FANCL: variants seen among roughly 807,000 people sequenced by gnomAD.
FANCL encodes the protein FA complementation group L, also known as E3 ubiquitin-protein ligase FANCL.
A neutral mutation model predicts 59.4 loss-of-function variants in FANCL; 69 were observed. That is an observed-to-expected ratio of 1.16 (90% CI 0.96 to 1.42). FANCL has a LOEUF of 1.42. Among genes scored for constraint, FANCL ranks in the 40% most tolerant of loss-of-function variants. The pLI is 0.00. For synonymous variants in FANCL, 180 were observed against 147.1 expected (o/e 1.22, Z -1.62); for missense variants, 519 against 447.2 (o/e 1.16, Z -1.45).
At chr2:58,166,376 G>A (rs754327369) in intron 7 of FANCL, among the ~76,000 whole-genome samples, 22 of 152,140 alleles carry the variant, frequency 1.4e-4, no homozygotes, top group Non-Finnish European at 2.9e-4. Flanking sequence ...GGCAGAGTAT[G>A]AAAAGGTTTT....
chr2:58,207,816 T>A (rs1690742165), intron 5 of FANCL, among the ~76,000 whole-genome samples: 1 of 152,156 alleles, frequency 6.6e-6, no homozygotes, highest in Admixed American at 6.5e-5. Context: ...CCCAGCACTC[T>A]GGGAAGCTGA....
At chr2:58,241,362 T>G, upstream of FANCL, 1 of 1,575,236 alleles carries the variant, frequency 6.3e-7, no homozygotes, top group Non-Finnish European at 8.7e-7. Flanking sequence ...TGCTGGGTCC[T>G]GCACATGCGC....
At chr2:58,207,803 A>G (rs1432209208) in intron 5 of FANCL, among the ~76,000 whole-genome samples, 1 of 152,160 alleles carries the variant, frequency 6.6e-6, no homozygotes, top group Admixed American at 6.5e-5. Context: ...TCATGCCTAT[A>G]ATCCCAGCAC....
Position 58,204,739 on chromosome 2 carries a change from A to C in FANCL, c.375-513T>G, listed in dbSNP as rs115785349. Among the ~76,000 whole-genome samples, 220 of 152,226 alleles carry C rather than the reference A, an allele frequency of 1.4e-3. 1 individual carries two copies. Among genetic ancestry groups the C allele is most frequent in the Non-Finnish European group, 1.9e-3 (126 of 67,988 alleles). Reference sequence around the variant, plus strand: ...ATTGATCCTCTAAGGAAAATGCTGTATAAGCACAGGTACAGCCTGGTCTCC... The same window carrying C: ...ATTGATCCTCTAAGGAAAATGCTGTCTAAGCACAGGTACAGCCTGGTCTCC... On this transcript the variant is annotated intron_variant, in intron 5 of 13. Transcript: ENST00000233741.
At chr2:58,176,781 G>T (rs1348444773) in intron 7 of FANCL, among the ~76,000 whole-genome samples, 2 of 152,020 alleles carry the variant, frequency 1.3e-5, no homozygotes, top group Non-Finnish European at 2.9e-5. Context: ...TTGACAAATG[G>T]GATCTAATTA....
intron 5 of FANCL, among the ~76,000 whole-genome samples, chr2:58,210,430 A>T (rs1691023968): frequency 6.6e-6 from 1 of 152,210 alleles, no homozygotes; most frequent in South Asian, 2.1e-4. Flanking sequence ...CTCCCACAAC[A>T]CATGAGAACT....
intron 7 of FANCL, among the ~76,000 whole-genome samples, chr2:58,172,103 G>A (rs911468318): frequency 2.0e-5 from 3 of 152,218 alleles, no homozygotes; most frequent in Admixed American, 6.5e-5. Flanking sequence ...CGGGAAGCTC[G>A]AACTGGGTGG....
At chr2:58,225,271 C>T (rs1692883789) in intron 4 of FANCL, among the ~76,000 whole-genome samples, 1 of 150,552 alleles carries the variant, frequency 6.6e-6, no homozygotes, top group Non-Finnish European at 1.5e-5. Flanking sequence ...TTGCTAGGCA[C>T]CAACTCATTA....
Position 58,165,798 on chromosome 2 carries a change from T to C in FANCL, c.617A>G (p.Glu206Gly), listed in dbSNP as rs753232320. 6.2e-6 allele frequency: 10 copies of C among 1,614,168 alleles called. No homozygotes were observed. In the South Asian group the frequency reaches 9.9e-5, roughly 16 times the overall value. ...AAGTACCCAGGTCTTCTCATCGATTTCATCCATAACATCCCAGAATGCCTT... is the reference window on the plus strand; with the variant it reads ...AAGTACCCAGGTCTTCTCATCGATTCCATCCATAACATCCCAGAATGCCTT... Reference protein sequence around the residue: ...SLKAFWDVMDEIDEKTWVLEP... With the variant: ...SLKAFWDVMDGIDEKTWVLEP... The change falls in exon 8 of 14, where the codon GAA (glutamate) becomes GGA (glycine). Residue 206 changes from glutamate to glycine, a missense_variant. Glu to Gly is a moderately conservative substitution (Grantham distance 98). Transcript: ENST00000233741.
chr2:58,240,991 C>A (rs763048371), intron 1 of FANCL, among the ~76,000 whole-genome samples: 1 of 152,234 alleles, frequency 6.6e-6, no homozygotes, highest in African/African-American at 2.4e-5. Context: ...TGGCCCCAGC[C>A]CCGCTCCACG....
chr2:58,159,912 CT>C (rs1684848796), intron 13 of FANCL, 112 bp from the exon 14 acceptor site: 1 of 1,543,956 alleles, frequency 6.5e-7, no homozygotes, highest in African/African-American at 1.4e-5. Context: ...TTGGAAAACA[CT>C]TCTGAAGTTT....
chr2:58,227,967 T>G (rs1693197000), intron 3 of FANCL, among the ~76,000 whole-genome samples: 1 of 152,130 alleles, frequency 6.6e-6, no homozygotes, highest in East Asian at 1.9e-4. Flanking sequence ...AGGAGTGATG[T>G]GAGTGGGAAG....
intron 7 of FANCL, among the ~76,000 whole-genome samples, chr2:58,174,810 G>C (rs1345059238): frequency 6.6e-6 from 1 of 152,150 alleles, no homozygotes; most frequent in South Asian, 2.1e-4. Flanking sequence ...GAAGGAAATA[G>C]AGACACAAAA....
chr2:58,183,750 C>T (rs1013392082), intron 7 of FANCL, among the ~76,000 whole-genome samples: 12 of 151,838 alleles, frequency 7.9e-5, no homozygotes, highest in African/African-American at 2.9e-4. Context: ...GTTACCCATC[C>T]TTTCATTTCC....
chr2:58,226,744 T>G lies in FANCL; in HGVS notation c.257A>C (p.Glu86Ala). ...AATTCTTACCAAAAGCATCTTCAAC[T>G]CCATCATAAAGCTCATTAGATCAGG... ...HSPDLMSFMM[E>A]LKMLLEVALK... is the part of the protein sequence containing the mutation. Residue 86 changes from glutamate to alanine, a missense_variant, in exon 4 of 14, where the codon GAG (glutamate) becomes GCG (alanine). Physicochemically the swap from Glu to Ala is moderately radical, Grantham distance 107. Transcript: ENST00000233741. 1 of 1,613,136 alleles carries G rather than the reference T, an allele frequency of 6.2e-7. No individual in the cohort carries two copies. The highest frequency in any genetic ancestry group is 8.5e-7 in the Non-Finnish European group (1 of 1,179,466).
In FANCL at chr2:58,160,150, C is replaced by A. The variant is rs760542163; in HGVS notation, c.1050G>T (p.Gln350His). Residue 350 changes from glutamine to histidine, a missense_variant, in exon 13 of 14, where the codon CAG becomes CAT. Transcript: ENST00000233741. ...EWLRGLLTSRQSFNIIFGECP... is the reference protein window; with the variant it reads ...EWLRGLLTSRHSFNIIFGECP... ...ATTCACCAAATATGATGTTAAAACT[C>A]TGTCTACTAGTTAGTAGTCCTCTCA... 8 of 1,612,790 alleles carry A rather than the reference C, an allele frequency of 5.0e-6. No individual in the cohort carries two copies. The African/African-American group carries it at 1.1e-4, about 22-fold the overall frequency.
chr2:58,171,597 G>A (rs1037529407), intron 7 of FANCL, among the ~76,000 whole-genome samples: 2 of 152,138 alleles, frequency 1.3e-5, no homozygotes, highest in Non-Finnish European at 2.9e-5. Context: ...CTGGTTTTTT[G>A]AAAAGAGTAA....
chr2:58,179,923 A>G (rs531999472), intron 7 of FANCL, among the ~76,000 whole-genome samples: 1 of 152,224 alleles, frequency 6.6e-6, no homozygotes, highest in African/African-American at 2.4e-5. Context: ...ATATGAACAG[A>G]CATTTCTCAA....
intron 6 of FANCL, among the ~76,000 whole-genome samples, chr2:58,200,034 G>GTA (rs1185916342): frequency 6.6e-6 from 1 of 151,074 alleles, no homozygotes; most frequent in Non-Finnish European, 1.5e-5. Flanking sequence ...ATCTGGCTAT[G>GTA]TAGAACTAAT....
Sources: allele counts gnomAD v4.1 joint callset (sites outside exome capture counted in the v4.1 genomes callset), GRCh38; gene constraint gnomAD v4.1.1; transcripts MANE v1.5; gene names NCBI Gene and HGNC (gene_info 2026-07-23, HGNC 2026-07-21).